The following PCSK2 variants were observed in gnomAD, a reference collection of about 807,000 sequenced individuals.
The protein encoded by PCSK2 is proprotein convertase subtilisin/kexin type 2.
In PCSK2, 14 loss-of-function variants were observed where a neutral mutation model predicts 69.7. That is an observed-to-expected ratio of 0.20 (90% confidence interval 0.13 to 0.31). The LOEUF is 0.31. PCSK2 is among the 10% of genes least tolerant of loss of function. PCSK2 has a pLI of 1.00. For synonymous variants in PCSK2, 307 were observed against 320.7 expected, an observed-to-expected ratio of 0.96 and a Z score of 0.46; for missense variants, 544 against 842.5, an observed-to-expected ratio of 0.65 and a Z score of 4.39.
chr20:17,299,924 A>G (rs1170999272), intron 2 of PCSK2, among the ~76,000 whole-genome samples: 1 of 152,172 alleles, frequency 6.6e-6, no homozygotes, highest in East Asian at 1.9e-4. Flanking sequence ...AGCATTGACT[A>G]ACTCTTTGGA....
chr20:17,306,226 T>C (rs186903887), intron 2 of PCSK2, among the ~76,000 whole-genome samples: 13 of 152,340 alleles, frequency 8.5e-5, no homozygotes, highest in Admixed American at 8.5e-4. Context: ...GGTTTGTAGA[T>C]AAATTATCAT....
chr20:17,287,890 C>T (rs1047809281), intron 2 of PCSK2, among the ~76,000 whole-genome samples: 3 of 152,180 alleles, frequency 2.0e-5, no homozygotes, highest in African/African-American at 7.2e-5. Flanking sequence ...CTGGTGGCCT[C>T]GTTGCCCTTG....
intron 2 of PCSK2, among the ~76,000 whole-genome samples, chr20:17,308,935 ACT>A (rs1358755700): frequency 6.6e-6 from 1 of 152,106 alleles, no homozygotes; most frequent in Non-Finnish European, 1.5e-5. Flanking sequence ...CTTCTGCCAA[ACT>A]CTATCACAGA....
chr20:17,293,597 C>A (rs971879622), intron 2 of PCSK2, among the ~76,000 whole-genome samples: 6 of 151,892 alleles, frequency 4.0e-5, no homozygotes, highest in African/African-American at 1.5e-4. Context: ...TTTCTTTTAA[C>A]GAATTAATTT....
chr20:17,395,281 G>A lies in PCSK2; in HGVS notation c.544-13982G>A, dbSNP rs545716955. 3.3e-5 allele frequency among the ~76,000 whole-genome samples: 5 copies of A among 152,332 alleles called. No individual in the cohort carries two copies. The East Asian group carries it at 7.7e-4, about 23-fold the overall frequency. ...TGGTTTATTATGGATGCAAAAATGA[G>A]TAGAAACTCAAGTCCCTGAGTCCAC... On this transcript the variant is annotated intron_variant, in intron 5 of 11. Coordinates refer to ENST00000262545, the MANE Select transcript of PCSK2 (RefSeq NM_002594.5).
rs539841751 is a variant in PCSK2, at chr20:17,344,316, C to T, written c.283-14011C>T. Among the ~76,000 whole-genome samples the T allele has an allele frequency of 9.2e-5, 14 of 152,234 alleles. No homozygotes were observed. In the South Asian group the frequency reaches 2.9e-3, roughly 32 times the overall value. ...GTGCTGGGGAGGCACAGTCACCAGC[C>T]CCCAAATATTTCAGACATATGCCAA... On this transcript the variant is annotated intron_variant, in intron 2 of 11. Transcript: ENST00000262545.
chr20:17,440,609 C>T (rs890798659), intron 8 of PCSK2, among the ~76,000 whole-genome samples: 1 of 152,076 alleles, frequency 6.6e-6, no homozygotes, highest in Non-Finnish European at 1.5e-5. Flanking sequence ...GCCTGTAATC[C>T]CAACACTTTG....
chr20:17,453,906 C>G lies in PCSK2; in HGVS notation c.1050C>G (p.Thr350=), dbSNP rs750981409. The change falls in exon 9 of 12, where the codon ACC becomes ACG. Residue 350 remains threonine (T), a synonymous_variant. Coordinates refer to ENST00000262545, the MANE Select transcript of PCSK2 (RefSeq NM_002594.5). The surrounding 1 kb of genome is among the most constrained non-coding windows in gnomAD (Gnocchi z 4.0). ...TALYDESCSS[T]LASTFSNGRK... is the part of the protein sequence containing the mutation. ...TGTACGACGAGAGCTGCTCTTCCAC[C>G]TTGGCTTCCACCTTCAGCAACGGGA... 14 of 1,614,240 alleles carry G rather than the reference C, an allele frequency of 8.7e-6. No homozygotes were observed. Among genetic ancestry groups the G allele is most frequent in the Non-Finnish European group, 1.1e-5 (13 of 1,180,038 alleles).
chr20:17,368,578 T>G (rs2030668294), intron 4 of PCSK2, among the ~76,000 whole-genome samples: 1 of 152,190 alleles, frequency 6.6e-6, no homozygotes, highest in South Asian at 2.1e-4. Context: ...TGATGCTTTC[T>G]GAGGTCCAAG....
intron 2 of PCSK2, among the ~76,000 whole-genome samples, chr20:17,307,426 G>T (rs1041235474): frequency 6.6e-6 from 1 of 152,216 alleles, no homozygotes; most frequent in African/African-American, 2.4e-5. Flanking sequence ...AATGAGCCAT[G>T]GGGAATATGA....
chr20:17,334,280 A>G (rs2123157972), intron 2 of PCSK2, among the ~76,000 whole-genome samples: 1 of 152,236 alleles, frequency 6.6e-6, no homozygotes, highest in African/African-American at 2.4e-5. Context: ...GAGTCACTGG[A>G]ATGAGAAATT....
At chr20:17,311,727 T>G (rs184667998) in intron 2 of PCSK2, among the ~76,000 whole-genome samples, 2 of 152,292 alleles carry the variant, frequency 1.3e-5, no homozygotes, top group Admixed American at 1.3e-4. Context: ...CCCCCATAGA[T>G]GACCCTACAA....
At chr20:17,298,324 T>G (rs899060118) in intron 2 of PCSK2, among the ~76,000 whole-genome samples, 2 of 152,172 alleles carry the variant, frequency 1.3e-5, no homozygotes, top group African/African-American at 2.4e-5. Context: ...TTAAAAGGAA[T>G]GGTTCTCACC....
chr20:17,305,434 G>A (rs1989295978), intron 2 of PCSK2, among the ~76,000 whole-genome samples: 1 of 152,152 alleles, frequency 6.6e-6, no homozygotes, highest in Non-Finnish European at 1.5e-5. Context: ...AGGGATGATT[G>A]GAGGGAAGAA....
At chr20:17,462,563 A>T (rs1028063367) in intron 10 of PCSK2, among the ~76,000 whole-genome samples, 1 of 152,168 alleles carries the variant, frequency 6.6e-6, no homozygotes, top group Non-Finnish European at 1.5e-5. Flanking sequence ...CCATCATGAC[A>T]GCCCTCACAT....
intron 10 of PCSK2, among the ~76,000 whole-genome samples, chr20:17,463,056 A>T (rs1036967536): frequency 6.6e-6 from 1 of 152,224 alleles, no homozygotes; most frequent in African/African-American, 2.4e-5. Context: ...ACTCAGTTAC[A>T]CTGGAGAGTG....
intron 2 of PCSK2, among the ~76,000 whole-genome samples, chr20:17,332,809 T>C (rs2424074): frequency 0.89 from 135,905 of 152,208 alleles, 60,804 homozygotes; most frequent in East Asian, 0.95. Context: ...CCGTAGCATT[T>C]GTAATCTTGG....
At chr20:17,479,067 C>T in intron 11 of PCSK2, 1 of 1,252,238 alleles carries the variant, frequency 8.0e-7, no homozygotes, top group Non-Finnish European at 1.2e-6. Context: ...ATGGCTTTAA[C>T]CCAACATTTT....
chr20:17,331,273 C>T (rs761483092), intron 2 of PCSK2, among the ~76,000 whole-genome samples: 18 of 152,176 alleles, frequency 1.2e-4, no homozygotes, highest in Admixed American at 2.6e-4. Flanking sequence ...ATCTGCAGCA[C>T]GTTGGACATT....
Sources: allele counts gnomAD v4.1 joint callset (sites outside exome capture counted in the v4.1 genomes callset), GRCh38; gene constraint gnomAD v4.1.1; non-coding constraint Gnocchi (gnomAD v3.1); transcripts MANE v1.5; gene names NCBI Gene and HGNC (gene_info 2026-07-23, HGNC 2026-07-21).